The following BCL2L13 variants were observed in gnomAD, a reference collection of about 807,000 sequenced individuals.
The protein encoded by BCL2L13 is bcl-2-like protein 13.
BCL2L13 carries 13 observed loss-of-function variants against 25.8 expected under a neutral mutation model. That is an observed-to-expected ratio of 0.50 (90% confidence interval 0.33 to 0.80). The LOEUF is 0.80. Ranked by LOEUF, BCL2L13 falls within the 30% of genes least tolerant of loss-of-function variation. The pLI is 0.02. For missense variants in BCL2L13, 504 were observed against 574.9 expected, an observed-to-expected ratio of 0.88 and a Z score of 1.26; for synonymous variants, 244 against 230.3, an observed-to-expected ratio of 1.06 and a Z score of -0.54.
At chr22:17,637,068 TAGG>T (rs1180866426), upstream of BCL2L13, among the ~76,000 whole-genome samples, 1 of 149,992 alleles carries the variant, frequency 6.7e-6, no homozygotes, top group African/African-American at 2.5e-5. Context: ...AGGTCAGGAG[TAGG>T]AGACTAGCCT....
At chr22:17,654,461 C>T (rs144565999) in intron 1 of BCL2L13, among the ~76,000 whole-genome samples, 1,563 of 150,738 alleles carry the variant, frequency 0.01, 25 homozygotes, top group African/African-American at 0.035. Context: ...CTCGCTCTGT[C>T]GCCCAGGCTG....
At chr22:17,695,883 C>A (rs907451820) in intron 4 of BCL2L13, 8 of 320,906 alleles carry the variant, frequency 2.5e-5, no homozygotes, top group Non-Finnish European at 3.6e-5. Flanking sequence ...AAGTTCCAAG[C>A]AGTTACAAAA....
chr22:17,707,433 G>A (rs958074959), intron 6 of BCL2L13, among the ~76,000 whole-genome samples: 2 of 152,188 alleles, frequency 1.3e-5, no homozygotes, highest in Admixed American at 6.5e-5. Context: ...GGTTGATCCC[G>A]GCTAGTTTTA....
Position 17,726,982 on chromosome 22 carries a change from C to T in BCL2L13, c.906C>T (p.Ser302=). The T allele has an allele frequency of 2.5e-6, 4 of 1,614,180 alleles. No homozygotes were observed. Among genetic ancestry groups the T allele is most frequent in the Non-Finnish European group, 3.4e-6 (4 of 1,180,034 alleles). ...NGAGEKSENN[S]SNSDIVHVEK... Reference sequence around the variant, plus strand: ...CTGGAGAGAAGAGTGAGAACAACTCCTCTAATTCTGACATTGTGCACGTGG... The same window carrying T: ...CTGGAGAGAAGAGTGAGAACAACTCTTCTAATTCTGACATTGTGCACGTGG... The change falls in exon 7 of 7, where the codon TCC becomes TCT. Residue 302 remains serine, a synonymous_variant. Transcript: ENST00000317582.
intron 4 of BCL2L13, 162 bp from the exon 5 acceptor site, chr22:17,695,979 T>C (rs538417607): frequency 1.7e-4 from 94 of 543,558 alleles, no homozygotes; most frequent in South Asian, 8.6e-4. Flanking sequence ...TTGAAAAAAG[T>C]GCATACTAGT....
chr22:17,730,376 G>C lies in BCL2L13; in HGVS notation c.*2842G>C, dbSNP rs1380349752. ...CTTCTCACCTGCATTTCTGTCCCAG[G>C]GATACCAGATGCAGCCACTACCTAA... On this transcript the variant is annotated 3_prime_UTR_variant, in exon 7 of 7. Transcript: ENST00000317582. 6.6e-6 allele frequency: 1 copy of C among 152,088 alleles called. No individual in the cohort carries two copies. Among genetic ancestry groups the C allele is most frequent in the Non-Finnish European group, 1.5e-5 (1 of 68,022 alleles). The allele number at this position is 152,088 out of a possible 1,614,324, so 9.4% of individuals were successfully genotyped here. A position where few individuals can be genotyped will look rare whatever the true frequency, so the allele number is the denominator to read the frequency against.
At chr22:17,643,255 G>A (rs1260675781) in intron 1 of BCL2L13, among the ~76,000 whole-genome samples, 3 of 152,176 alleles carry the variant, frequency 2.0e-5, no homozygotes, top group Non-Finnish European at 4.4e-5. Flanking sequence ...TTTTTCAGAT[G>A]GGTGGGGTGA....
chr22:17,711,407 C>T (rs1323558735), intron 6 of BCL2L13, among the ~76,000 whole-genome samples: 1 of 149,326 alleles, frequency 6.7e-6, no homozygotes, highest in African/African-American at 2.5e-5. Context: ...AAACGATCCT[C>T]CCACCTCAGC....
At chr22:17,681,690 G>A (rs182989283) in intron 2 of BCL2L13, among the ~76,000 whole-genome samples, 1 of 152,204 alleles carries the variant, frequency 6.6e-6, no homozygotes, top group Non-Finnish European at 1.5e-5. Flanking sequence ...CTGCTGTGCT[G>A]TGATCACTGT....
chr22:17,681,334 G>A (rs1239712869), intron 2 of BCL2L13, among the ~76,000 whole-genome samples: 1 of 151,854 alleles, frequency 6.6e-6, no homozygotes, highest in Non-Finnish European at 1.5e-5. Flanking sequence ...CTGAAACCCT[G>A]TCTCTACTAA....
intron 5 of BCL2L13, among the ~76,000 whole-genome samples, chr22:17,698,502 C>T (rs2060332952): frequency 7.3e-6 from 1 of 136,742 alleles, no homozygotes; most frequent in African/African-American, 2.7e-5. Context: ...GGGAGGATCA[C>T]TTACGCCCAG....
chr22:17,638,809 C>G lies in BCL2L13; in HGVS notation c.-128C>G, dbSNP rs769725401. ...TTAGGGCCGCGGGTCGGAGCACTCA[C>G]CGCCGCTGGGGGACCCTGTCGGAAG... is the stretch of plus-strand genomic sequence containing the variant. On this transcript the variant is annotated 5_prime_UTR_variant, in exon 1 of 7. Transcript: ENST00000317582. 1.6e-6 allele frequency: 2 copies of G among 1,231,862 alleles called. No individual in the cohort carries two copies. The highest frequency in any genetic ancestry group is 2.0e-6 in the Non-Finnish European group (2 of 988,196). The allele number at this position is 1,231,862 out of a possible 1,614,324, so 76.3% of individuals were successfully genotyped here.
At chr22:17,658,123 A>G (rs1308957268) in intron 2 of BCL2L13, among the ~76,000 whole-genome samples, 3 of 150,782 alleles carry the variant, frequency 2.0e-5, no homozygotes, top group Admixed American at 2.0e-4. Flanking sequence ...CCCGGCCGAC[A>G]TTTCTTTATC....
intron 6 of BCL2L13, among the ~76,000 whole-genome samples, chr22:17,718,866 A>G (rs1180170863): frequency 6.6e-6 from 1 of 152,188 alleles, no homozygotes; most frequent in Non-Finnish European, 1.5e-5. Context: ...TTATTTAAGA[A>G]TTAAAAACGC....
Position 17,685,760 on chromosome 22 carries a change from CTTTTTTTTTTTTTTT to C in BCL2L13, c.229+2454_229+2468del, listed in dbSNP as rs1166792513. ...TATTGCCCAATAATTTTTTCTTTTT[CTTTTTTTTTTTTTTT>C]TTTTTTTTTTTTTTGAGACAAAGTC... On this transcript the variant is annotated intron_variant, in intron 3 of 6. Coordinates refer to ENST00000317582, the MANE Select transcript of BCL2L13 (RefSeq NM_015367.4). Among the ~76,000 whole-genome samples the C allele has an allele frequency of 1.1e-3, 64 of 60,572 alleles. 2 individuals are homozygous for C. In the East Asian group the frequency reaches 0.026, roughly 25 times the overall value. 39.7% of individuals were successfully genotyped at this position (60,572 alleles called of 152,430 possible). A position where few individuals can be genotyped will look rare whatever the true frequency, so the allele number is the denominator to read the frequency against.
At chr22:17,655,926 A>G (rs2058839387) in intron 2 of BCL2L13, 94 bp downstream of exon 2, 2 of 1,251,064 alleles carry the variant, frequency 1.6e-6, no homozygotes, top group Admixed American at 2.6e-5. Context: ...TGGTTATCAA[A>G]TAGTACTAAT....
chr22:17,719,328 T>G (rs1265152145), intron 6 of BCL2L13, among the ~76,000 whole-genome samples: 1 of 152,122 alleles, frequency 6.6e-6, no homozygotes, highest in East Asian at 1.9e-4. Flanking sequence ...AGAAATGTTT[T>G]GGAATTCCAA....
At chr22:17,673,298 C>G (rs1226179480) in intron 2 of BCL2L13, among the ~76,000 whole-genome samples, 1 of 151,818 alleles carries the variant, frequency 6.6e-6, no homozygotes, top group African/African-American at 2.4e-5. Flanking sequence ...ATCTTCCTAT[C>G]TATGCAGTTG....
chr22:17,684,888 A>T (rs948790530), intron 3 of BCL2L13, among the ~76,000 whole-genome samples: 4 of 151,850 alleles, frequency 2.6e-5, no homozygotes, highest in Non-Finnish European at 4.4e-5. Context: ...GCCTGCCACC[A>T]CACCCGACTA....
Sources: gnomAD v4.1 joint callset for allele counts (sites outside exome capture counted in the v4.1 genomes callset) on GRCh38, gnomAD v4.1.1 for gene constraint, MANE v1.5 for transcripts, NCBI Gene and HGNC (gene_info 2026-07-23, HGNC 2026-07-21) for gene names.